The following ZGPAT variants were observed in gnomAD, a reference collection of about 807,000 sequenced individuals.
ZGPAT encodes zinc finger CCCH-type and G-patch domain containing.
In ZGPAT, 39 loss-of-function variants were observed where a neutral mutation model predicts 47.9. That is an observed-to-expected ratio of 0.81 (90% confidence interval 0.63 to 1.06). The LOEUF is 1.06. Among genes scored for constraint, ZGPAT ranks in the 50% least tolerant of loss-of-function variants. The pLI, the probability that ZGPAT is intolerant of heterozygous loss-of-function variation, is 0.00. For synonymous variants in ZGPAT, 348 were observed against 292.9 expected (o/e 1.19, Z -1.92); for missense variants, 717 against 681.4 (o/e 1.05, Z -0.58).
intron 2 of ZGPAT, among the ~76,000 whole-genome samples, chr20:63,730,786 A>C (rs1162913191): frequency 6.6e-6 from 1 of 152,066 alleles, no homozygotes; most frequent in East Asian, 1.9e-4. Flanking sequence ...CTGGCCCCTC[A>C]GTTGCTTTTG....
intron 2 of ZGPAT, among the ~76,000 whole-genome samples, chr20:63,721,826 G>A (rs1434093780): frequency 6.6e-6 from 1 of 152,058 alleles, no homozygotes; most frequent in East Asian, 1.9e-4. Flanking sequence ...GACCAGCCTG[G>A]CCAACATGGT....
intron 2 of ZGPAT, among the ~76,000 whole-genome samples, chr20:63,732,514 C>T (rs1017863003): frequency 6.7e-5 from 10 of 150,082 alleles, no homozygotes; most frequent in South Asian, 2.1e-4. Flanking sequence ...CACGTGTGCG[C>T]GCGTGTGGGT....
chr20:63,735,613 GC>G (rs905833911), intron 6 of ZGPAT, 49 bp downstream of exon 6: 8 of 1,500,864 alleles, frequency 5.3e-6, no homozygotes, highest in Non-Finnish European at 4.4e-6. Context: ...GGGTGGCCCT[GC>G]CCCCGGGATA....
At chr20:63,718,415 C>A (rs1381517039) in intron 2 of ZGPAT, among the ~76,000 whole-genome samples, 2 of 151,912 alleles carry the variant, frequency 1.3e-5, no homozygotes, top group Non-Finnish European at 2.9e-5. Context: ...TCACTGCAAC[C>A]TCTGCCTCCC....
At chr20:63,731,646 G>T (rs1052546818) in intron 2 of ZGPAT, among the ~76,000 whole-genome samples, 1 of 149,198 alleles carries the variant, frequency 6.7e-6, no homozygotes, top group African/African-American at 2.5e-5. Flanking sequence ...TGTGTAAAGT[G>T]TACAGTTGGC....
At position 63,727,710 on chromosome 20, in the gene ZGPAT, T is replaced by A. The variant is rs576555962; in HGVS notation, c.585-5509T>A. On this transcript the variant is annotated intron_variant, in intron 2 of 6. Coordinates refer to ENST00000355969, the MANE Select transcript of ZGPAT (RefSeq NM_181485.3). Reference sequence around the variant, plus strand: ...AAAAAAGGATTCTCTATTTCCTGAATCATTGCCATCATATTTTCATTTAAT... The same window carrying A: ...AAAAAAGGATTCTCTATTTCCTGAAACATTGCCATCATATTTTCATTTAAT... Among the ~76,000 whole-genome samples, 24 of 149,742 alleles carry A rather than the reference T, an allele frequency of 1.6e-4. No homozygotes were observed. In the South Asian group the frequency reaches 5.1e-3, roughly 32 times the overall value.
chr20:63,732,270 CAT>C (rs926063172), intron 2 of ZGPAT, among the ~76,000 whole-genome samples: 52 of 134,962 alleles, frequency 3.9e-4, no homozygotes, highest in Middle Eastern at 4.3e-3. Flanking sequence ...TGAGAGGTCG[CAT>C]GTGTGTGGGT....
At chr20:63,710,830 C>G (rs1239997349) in intron 2 of ZGPAT, among the ~76,000 whole-genome samples, 2 of 152,214 alleles carry the variant, frequency 1.3e-5, no homozygotes, top group Non-Finnish European at 2.9e-5. Context: ...AATACCTCTT[C>G]CATATTCAAA....
chr20:63,735,182 CGG>C lies in ZGPAT; in HGVS notation c.1017_1018del (p.Val340GlyfsTer56). 6.6e-7 allele frequency: 1 copy of C among 1,524,816 alleles called. No homozygotes were observed. Among genetic ancestry groups the C allele is most frequent in the African/African-American group, 1.4e-5 (1 of 72,086 alleles). The allele number at this position is 1,524,816 out of a possible 1,614,324, so 94.5% of individuals were successfully genotyped here. On this transcript the variant is annotated frameshift_variant, in exon 6 of 7. Coordinates refer to ENST00000355969, the MANE Select transcript of ZGPAT (RefSeq NM_181485.3). LOFTEE classifies it high-confidence loss of function. ...GKGLGRHAEG[R>X]VEPIHAVVLP... ...AGGTTTGGGCCGACACGCGGAAGGCCGGGTGGAGCCCATCCATGCTGTGGTGT... is the reference window on the plus strand; with the variant it reads ...AGGTTTGGGCCGACACGCGGAAGGCCGTGGAGCCCATCCATGCTGTGGTGT...
intron 5 of ZGPAT, 33 bp from the exon 6 acceptor site, chr20:63,735,124 GCA>G (rs1568803747): frequency 1.4e-5 from 21 of 1,482,362 alleles, no homozygotes; most frequent in Non-Finnish European, 9.8e-6. Flanking sequence ...CCGGGGTCCC[GCA>G]GCCACAGCAC....
In ZGPAT at chr20:63,709,044, C is replaced by T; in HGVS notation, c.464C>T (p.Thr155Met). 6.2e-7 allele frequency: 1 copy of T among 1,613,616 alleles called. No homozygotes were observed. Among genetic ancestry groups the T allele is most frequent in the Non-Finnish European group, 8.5e-7 (1 of 1,180,010 alleles). ...LEYHNAMVVG[T>M]EEAEDGSAGV... The stretch of plus-strand genomic sequence containing the variant: ...TATCACAACGCCATGGTGGTGGGAA[C>T]GGAAGAGGCGGAGGATGGCTCGGCG... Residue 155 changes from threonine to methionine, a missense_variant, in exon 2 of 7, where the codon ACG (threonine) becomes ATG (methionine). Transcript: ENST00000355969.
intron 2 of ZGPAT, among the ~76,000 whole-genome samples, chr20:63,717,033 T>A (rs540623261): frequency 1.3e-5 from 2 of 152,176 alleles, no homozygotes; most frequent in Non-Finnish European, 2.9e-5. Flanking sequence ...GCCAGGCTGG[T>A]CTTGAAATCC....
chr20:63,714,607 A>G (rs2091707185), intron 2 of ZGPAT, among the ~76,000 whole-genome samples: 1 of 151,762 alleles, frequency 6.6e-6, no homozygotes, highest in African/African-American at 2.4e-5. Context: ...ATTCTCTTAT[A>G]TTCATAGTGT....
rs1216937678 is a variant in ZGPAT, at chr20:63,735,934, C to T, written c.*15C>T. 3.2e-5 allele frequency: 52 copies of T among 1,603,908 alleles called. 1 individual carries two copies. The highest frequency in any genetic ancestry group is 4.2e-5 in the Non-Finnish European group (49 of 1,173,932). ...CTGAGTTCTAGAGACCCCACAAGCA[C>T]TATGGACGAAGCGTGGGACCCCAGC... On this transcript the variant is annotated 3_prime_UTR_variant, in exon 7 of 7. Transcript: ENST00000355969.
chr20:63,718,957 T>G lies in ZGPAT; in HGVS notation c.584+9793T>G, dbSNP rs181332015. On this transcript the variant is annotated intron_variant, in intron 2 of 6. Transcript: ENST00000355969. Reference sequence around the variant, plus strand: ...GGCAGGTGCCTGTAGTCCCAGCTACTCGGGAAGCTGAAGCAGGAGAATGGC... The same window carrying G: ...GGCAGGTGCCTGTAGTCCCAGCTACGCGGGAAGCTGAAGCAGGAGAATGGC... Among the ~76,000 whole-genome samples the G allele has an allele frequency of 3.3e-3, 498 of 151,826 alleles. 4 individuals are homozygous for G. Among genetic ancestry groups the G allele is most frequent in the African/African-American group, 0.011 (473 of 41,426 alleles).
chr20:63,731,710 T>C (rs2091906168), intron 2 of ZGPAT, among the ~76,000 whole-genome samples: 1 of 141,526 alleles, frequency 7.1e-6, no homozygotes, highest in Admixed American at 7.0e-5. Flanking sequence ...GCCCTTTGTG[T>C]GTGTGAGATT....
intron 2 of ZGPAT, among the ~76,000 whole-genome samples, chr20:63,725,067 C>T (rs2091830447): frequency 6.6e-6 from 1 of 150,642 alleles, no homozygotes; most frequent in Non-Finnish European, 1.5e-5. Flanking sequence ...TCACTGCGAG[C>T]TCCGCCTCCC....
intron 2 of ZGPAT, among the ~76,000 whole-genome samples, chr20:63,713,319 C>T (rs567090592): frequency 2.0e-5 from 3 of 151,926 alleles, no homozygotes; most frequent in Non-Finnish European, 2.9e-5. Context: ...CAAGCTCCAC[C>T]TCCCGGGTTC....
chr20:63,711,541 T>TA (rs1457265386), intron 2 of ZGPAT, among the ~76,000 whole-genome samples: 1 of 151,960 alleles, frequency 6.6e-6, no homozygotes, highest in South Asian at 2.1e-4. Flanking sequence ...CGGAGCATCT[T>TA]ACAGACGTCC....
Sources: gnomAD v4.1 joint callset for allele counts (sites outside exome capture counted in the v4.1 genomes callset) on GRCh38, gnomAD v4.1.1 for gene constraint, MANE v1.5 for transcripts, NCBI Gene and HGNC (gene_info 2026-07-23, HGNC 2026-07-21) for gene names.